The following KIF16B variants were observed in gnomAD, a reference collection of about 807,000 sequenced individuals.
KIF16B encodes the protein kinesin family member 16B.
Under a neutral mutation model 156.3 loss-of-function variants are expected in KIF16B, and 98 were observed. The observed-to-expected ratio is 0.63, with a 90% CI of 0.53 to 0.74. KIF16B has a LOEUF of 0.74. Among genes scored for constraint, KIF16B ranks in the 30% least tolerant of loss-of-function variants. The probability of loss-of-function intolerance (pLI) is 0.00; values close to 1 mark genes in which losing one functional copy is unlikely to be tolerated. For synonymous variants in KIF16B, 564 were observed against 583.7 expected (o/e 0.97, Z 0.49); for missense variants, 1,421 against 1,606.5 (o/e 0.88, Z 1.97).
At position 16,312,469 on chromosome 20, in the gene KIF16B, T is replaced by C. The variant is rs375743990; in HGVS notation, c.3712-51A>G. The C allele has an allele frequency of 5.4e-5, 69 of 1,270,454 alleles. No individual in the cohort carries two copies. In the African/African-American group the frequency reaches 6.3e-4, roughly 12 times the overall value. 78.7% of individuals were successfully genotyped at this position (1,270,454 alleles called of 1,614,324 possible). ...GCATTAATAGCATACCTGTTAATTG[T>C]TGGGCTATTATTAATCTATTATTTG... On this transcript the variant is annotated intron_variant, in intron 24 of 25. Coordinates refer to ENST00000354981, the MANE Select transcript of KIF16B (RefSeq NM_024704.5).
chr20:16,423,776 T>C (rs147146582), intron 15 of KIF16B, among the ~76,000 whole-genome samples: 121 of 152,164 alleles, frequency 8.0e-4, no homozygotes, highest in African/African-American at 2.8e-3. Flanking sequence ...AGGACCTCTA[T>C]CTGAGGTTCC....
At chr20:16,358,047 G>T (rs1033914744) in intron 22 of KIF16B, among the ~76,000 whole-genome samples, 17 of 152,146 alleles carry the variant, frequency 1.1e-4, no homozygotes, top group Non-Finnish European at 2.9e-5. Flanking sequence ...AAAGTAGTCG[G>T]GAGTGGTGGC....
intron 24 of KIF16B, among the ~76,000 whole-genome samples, chr20:16,321,826 C>A (rs574103831): frequency 3.9e-5 from 6 of 152,106 alleles, no homozygotes; most frequent in African/African-American, 1.4e-4. Flanking sequence ...AAAATGGCAT[C>A]TTTTCCTGTT....
intron 1 of KIF16B, among the ~76,000 whole-genome samples, chr20:16,537,142 G>A (rs979408013): frequency 5.3e-5 from 8 of 152,012 alleles, no homozygotes; most frequent in Non-Finnish European, 8.8e-5. Context: ...ATCTCACCAC[G>A]AGGCTCCCCT....
chr20:16,377,223 C>T (rs992780842), intron 19 of KIF16B, among the ~76,000 whole-genome samples: 13 of 151,998 alleles, frequency 8.6e-5, no homozygotes, highest in East Asian at 5.8e-4. Flanking sequence ...GGGAGTACTG[C>T]GGAGAGGGCA....
chr20:16,350,392 CCAG>C (rs1419343934), intron 23 of KIF16B, among the ~76,000 whole-genome samples: 1 of 151,982 alleles, frequency 6.6e-6, no homozygotes, highest in Non-Finnish European at 1.5e-5. Flanking sequence ...AGGACAATGT[CCAG>C]AGGGTGGGCA....
At chr20:16,325,767 T>C (rs1243714284) in intron 24 of KIF16B, among the ~76,000 whole-genome samples, 1 of 151,730 alleles carries the variant, frequency 6.6e-6, no homozygotes, top group African/African-American at 2.4e-5. Flanking sequence ...AATACCATCA[T>C]CATTTTTCAC....
At chr20:16,560,714 G>T (rs896046340) in intron 1 of KIF16B, among the ~76,000 whole-genome samples, 1 of 152,082 alleles carries the variant, frequency 6.6e-6, no homozygotes. Context: ...GGGCCTGGGA[G>T]GTCAACGCTG....
chr20:16,543,871 A>C (rs771760309), intron 1 of KIF16B, among the ~76,000 whole-genome samples: 1 of 152,184 alleles, frequency 6.6e-6, no homozygotes, highest in Non-Finnish European at 1.5e-5. Context: ...CAAAGCTCCC[A>C]CTACAGAGTC....
intron 25 of KIF16B, among the ~76,000 whole-genome samples, chr20:16,274,623 A>G (rs2063033374): frequency 6.6e-6 from 1 of 152,238 alleles, no homozygotes; most frequent in Admixed American, 6.5e-5. Context: ...CTGAGTAACA[A>G]CAAAAAATTT....
chr20:16,332,693 C>A (rs1160287665), intron 24 of KIF16B, among the ~76,000 whole-genome samples: 4 of 152,074 alleles, frequency 2.6e-5, no homozygotes, highest in African/African-American at 9.7e-5. Flanking sequence ...TAGAAATGGT[C>A]TGAAGACTGA....
At position 16,352,244 on chromosome 20, in the gene KIF16B, G is replaced by A. The variant is rs2064351615; in HGVS notation, c.3621+4086C>T. ...ACTCATCCAACTACACTTAAAATGT[G>A]TGCTTTCACTGTATATAAATTACGC... is the stretch of plus-strand genomic sequence containing the variant. On this transcript the variant is annotated intron_variant, in intron 23 of 25. Transcript: ENST00000354981. Among the ~76,000 whole-genome samples the A allele has an allele frequency of 2.6e-5, 4 of 152,174 alleles. 1 individual carries two copies. The highest frequency in any genetic ancestry group is 2.6e-4 in the Admixed American group (4 of 15,282).
intron 24 of KIF16B, among the ~76,000 whole-genome samples, chr20:16,333,597 T>C (rs2063986349): frequency 6.6e-6 from 1 of 152,230 alleles, no homozygotes; most frequent in Non-Finnish European, 1.5e-5. Flanking sequence ...CTCTCATGTA[T>C]GTGATAATCT....
intron 25 of KIF16B, among the ~76,000 whole-genome samples, chr20:16,287,015 A>G (rs370107261): frequency 6.6e-6 from 1 of 152,308 alleles, no homozygotes; most frequent in East Asian, 1.9e-4. Context: ...TATATAAACC[A>G]TCCAGCTGGG....
chr20:16,382,235 C>T, intron 17 of KIF16B: 1 of 568,226 alleles, frequency 1.8e-6, no homozygotes, highest in Non-Finnish European at 2.7e-6. Flanking sequence ...CAGTAAGGTA[C>T]TTAAAAGGCA....
At position 16,512,871 on chromosome 20, in the gene KIF16B, T is replaced by C. The variant is rs1339270400; in HGVS notation, c.401A>G (p.Asn134Ser). The change falls in exon 5 of 26, where the codon AAT becomes AGT. Residue 134 changes from asparagine to serine, a missense_variant. Transcript: ENST00000354981. ...RICEGLFSRI[N>S]ETTRWDEASF... ...AGCTTCATCCCATCTGGTGGTTTCA[T>C]TTATCCGACTGAAGAGTCCTTCACA... is the stretch of plus-strand genomic sequence containing the variant. The C allele has an allele frequency of 6.2e-7, 1 of 1,614,076 alleles. No homozygotes were observed. Among genetic ancestry groups the C allele is most frequent in the Non-Finnish European group, 8.5e-7 (1 of 1,179,918 alleles).
In KIF16B at chr20:16,531,861, G is replaced by A. The variant is rs191932866; in HGVS notation, c.48-3421C>T. On this transcript the variant is annotated intron_variant, in intron 1 of 25. Coordinates refer to ENST00000354981, the MANE Select transcript of KIF16B (RefSeq NM_024704.5). Reference sequence around the variant, plus strand: ...AGGCAAGTGGATCATCTGAAGTCAGGGTTCGAGACCAGCCTGGCCAACATG... The same window carrying A: ...AGGCAAGTGGATCATCTGAAGTCAGAGTTCGAGACCAGCCTGGCCAACATG... 7.4e-4 allele frequency among the ~76,000 whole-genome samples: 113 copies of A among 152,152 alleles called. 1 individual carries two copies. Among genetic ancestry groups the A allele is most frequent in the Non-Finnish European group, 1.2e-3 (82 of 68,004 alleles).
intron 17 of KIF16B, among the ~76,000 whole-genome samples, chr20:16,390,896 T>C (rs557320085): frequency 7.2e-4 from 109 of 152,244 alleles, no homozygotes; most frequent in Admixed American, 1.2e-3. Context: ...TACTCTTAAG[T>C]GAGTGAAACA....
intron 23 of KIF16B, among the ~76,000 whole-genome samples, chr20:16,338,226 TC>T (rs1014208522): frequency 5.9e-5 from 9 of 152,132 alleles, no homozygotes; most frequent in African/African-American, 2.2e-4. Context: ...GACTGTCTTC[TC>T]CCCCCACACT....
Sources: gnomAD v4.1 joint callset for allele counts (sites outside exome capture counted in the v4.1 genomes callset) on GRCh38, gnomAD v4.1.1 for gene constraint, MANE v1.5 for transcripts, NCBI Gene and HGNC (gene_info 2026-07-23, HGNC 2026-07-21) for gene names.